ALOX5: variants seen among roughly 807,000 people sequenced by gnomAD.
ALOX5 encodes the protein polyunsaturated fatty acid 5-lipoxygenase.
Under a neutral mutation model 87.9 loss-of-function variants are expected in ALOX5, and 64 were observed. The ratio of observed to expected loss-of-function variants is 0.73; its 90% CI spans 0.60 to 0.90. ALOX5 has a LOEUF of 0.90. Among genes scored for constraint, ALOX5 ranks in the 40% least tolerant of loss-of-function variants. The probability of loss-of-function intolerance (pLI) is 0.00; values close to 1 mark genes in which losing one functional copy is unlikely to be tolerated. For missense variants in ALOX5, 822 were observed against 907.5 expected, an observed-to-expected ratio of 0.91 and a Z score of 1.21; for synonymous variants, 388 against 355.1, an observed-to-expected ratio of 1.09 and a Z score of -1.04.
intron 4 of ALOX5, among the ~76,000 whole-genome samples, chr10:45,421,151 ATAT>A (rs1841493073): frequency 6.6e-6 from 1 of 152,224 alleles, no homozygotes; most frequent in Non-Finnish European, 1.5e-5. Context: ...GAAGCCCTGA[ATAT>A]TCCAGTTATC....
intron 2 of ALOX5, among the ~76,000 whole-genome samples, chr10:45,388,657 CAGAA>C (rs1840086163): frequency 6.6e-6 from 1 of 152,228 alleles, no homozygotes; most frequent in Non-Finnish European, 1.5e-5. Context: ...AACTAACAAA[CAGAA>C]AGGACATCCA....
chr10:45,427,540 C>T (rs1427850753), intron 6 of ALOX5, among the ~76,000 whole-genome samples: 2 of 152,240 alleles, frequency 1.3e-5, no homozygotes, highest in Admixed American at 6.5e-5. Context: ...CTGCGTGCCG[C>T]CGGGCAGCCC....
In ALOX5 at chr10:45,436,452, G is replaced by A. The variant is rs144066203; in HGVS notation, c.982-3978G>A. On this transcript the variant is annotated intron_variant, in intron 7 of 13. Transcript: ENST00000374391. ...ATATGGTGAGAGGTAGGGGCCCAGC[G>A]TCATTCTTCTGCATATAGGTAGCCA... Among the ~76,000 whole-genome samples, 411 of 152,202 alleles carry A rather than the reference G, an allele frequency of 2.7e-3. 5 individuals carry two copies. The highest frequency in any genetic ancestry group is 9.2e-3 in the African/African-American group (383 of 41,526).
At chr10:45,390,323 G>A (rs550238648) in intron 2 of ALOX5, among the ~76,000 whole-genome samples, 1 of 152,172 alleles carries the variant, frequency 6.6e-6, no homozygotes, top group African/African-American at 2.4e-5. Flanking sequence ...ATTGAACTCA[G>A]CTCTCCAGCA....
rs41365544 is a variant in ALOX5, at chr10:45,445,963, C to A, written c.*276C>A. On this transcript the variant is annotated 3_prime_UTR_variant, in exon 14 of 14. Coordinates refer to ENST00000374391, the MANE Select transcript of ALOX5 (RefSeq NM_000698.5). Reference sequence around the variant, plus strand: ...AAGCAGCAACAGCAAATCACGACCACTGATAGATGTCTATTCTTGTTGGAG... The same window carrying A: ...AAGCAGCAACAGCAAATCACGACCAATGATAGATGTCTATTCTTGTTGGAG... 5,301 of 412,466 alleles carry A rather than the reference C, an allele frequency of 0.013. 199 individuals are homozygous for A. The highest frequency in any genetic ancestry group is 0.084 in the African/African-American group (4,194 of 49,926). 25.6% of individuals were successfully genotyped at this position (412,466 alleles called of 1,614,324 possible). A position where few individuals can be genotyped will look rare whatever the true frequency, so the allele number is the denominator to read the frequency against.
intron 3 of ALOX5, among the ~76,000 whole-genome samples, chr10:45,403,817 G>A (rs2132737901): frequency 6.6e-6 from 1 of 152,266 alleles, no homozygotes; most frequent in Admixed American, 6.5e-5. Flanking sequence ...CAGTGCACAC[G>A]TTGTGCTTGA....
At chr10:45,393,757 T>C (rs972831960) in intron 2 of ALOX5, among the ~76,000 whole-genome samples, 1 of 152,300 alleles carries the variant, frequency 6.6e-6, no homozygotes, top group Middle Eastern at 3.4e-3. Flanking sequence ...TTCAGCAAAG[T>C]CTCAGGATAC....
Position 45,435,266 on chromosome 10 carries a change from T to TG in ALOX5, c.982-5164_982-5163insG, listed in dbSNP as rs377648070. ...CTTTTTTTACTGGTCAGAACAGTTT[T>TG]TTTTTTTTTAATATATAAAATTTTA... On this transcript the variant is annotated intron_variant, in intron 7 of 13. Coordinates refer to ENST00000374391, the MANE Select transcript of ALOX5 (RefSeq NM_000698.5). 3.7e-3 allele frequency among the ~76,000 whole-genome samples: 564 copies of TG among 151,992 alleles called. 3 individuals are homozygous for TG. The highest frequency in any genetic ancestry group is 0.024 in the Middle Eastern group (7 of 294).
chr10:45,443,186 A>G lies in ALOX5; in HGVS notation c.1421A>G (p.Asp474Gly). 6.2e-7 allele frequency: 1 copy of G among 1,613,638 alleles called. No homozygotes were observed. Among genetic ancestry groups the G allele is most frequent in the Non-Finnish European group, 8.5e-7 (1 of 1,179,954 alleles). ...EDIPYYFYRD[D>G]GLLVWEAIRT... ...ATCCCCTACTACTTCTACCGGGACG[A>G]CGGGCTCCTGGTGTGGGAAGCCATC... The change falls in exon 10 of 14, where the codon GAC becomes GGC. Residue 474 changes from aspartate to glycine, a missense_variant. Asp to Gly is a moderately conservative substitution (Grantham distance 94, BLOSUM62 -1). Transcript: ENST00000374391.
At chr10:45,382,229 C>G (rs1360336795) in intron 1 of ALOX5, among the ~76,000 whole-genome samples, 3 of 152,202 alleles carry the variant, frequency 2.0e-5, no homozygotes, top group Non-Finnish European at 4.4e-5. Flanking sequence ...GCTTCAACTT[C>G]CCAACCTTGA....
intron 7 of ALOX5, among the ~76,000 whole-genome samples, chr10:45,433,809 C>A (rs1841983136): frequency 6.6e-6 from 1 of 152,142 alleles, no homozygotes; most frequent in Non-Finnish European, 1.5e-5. Context: ...TTCCCCCAGG[C>A]CCCCCAGGAA....
rs1841674294 is a variant in ALOX5, at chr10:45,425,473, C to T, written c.834+341C>T. Among the ~76,000 whole-genome samples the T allele has an allele frequency of 6.6e-6, 1 of 152,194 alleles. No homozygotes were observed. Among genetic ancestry groups the T allele is most frequent in the Admixed American group, 6.5e-5 (1 of 15,288 alleles). On this transcript the variant is annotated intron_variant, in intron 6 of 13. Coordinates refer to ENST00000374391, the MANE Select transcript of ALOX5 (RefSeq NM_000698.5). This position sits in a 1 kb window ranked among gnomAD's most constrained non-coding sequence, Gnocchi z 4.4. ...CAGGCATTGTGACAGGTGCTTTACA[C>T]ACAAGGTCATCAGTTGTCACCCACC...
At chr10:45,382,374 C>G (rs759142978) in intron 1 of ALOX5, 109 bp from the exon 2 acceptor site, 46 of 1,137,018 alleles carry the variant, frequency 4.0e-5, no homozygotes, top group Non-Finnish European at 5.0e-5. Context: ...TTTCATTCAA[C>G]GTAGTCCCTG....
At chr10:45,437,852 T>C (rs1193959877) in intron 7 of ALOX5, among the ~76,000 whole-genome samples, 2 of 152,256 alleles carry the variant, frequency 1.3e-5, no homozygotes, top group Non-Finnish European at 2.9e-5. Flanking sequence ...ATTGCTTCTC[T>C]CCATTATTCA....
chr10:45,431,284 T>C (rs954333036), intron 7 of ALOX5, among the ~76,000 whole-genome samples: 3 of 152,166 alleles, frequency 2.0e-5, no homozygotes, highest in Non-Finnish European at 4.4e-5. Context: ...ACTGTTTTTA[T>C]TCAACATTAT....
At chr10:45,374,850 A>G (rs907885110) in intron 1 of ALOX5, among the ~76,000 whole-genome samples, 1 of 151,982 alleles carries the variant, frequency 6.6e-6, no homozygotes, top group Non-Finnish European at 1.5e-5. Flanking sequence ...AGGGAGGGAG[A>G]GGCAGATGAG....
At chr10:45,395,778 G>A (rs28395862) in intron 2 of ALOX5, 77 bp from the exon 3 acceptor site, 4 of 1,341,866 alleles carry the variant, frequency 3.0e-6, no homozygotes, top group Middle Eastern at 1.8e-4. Context: ...GGGCATCTGA[G>A]GGAAGCCTGA....
intron 2 of ALOX5, among the ~76,000 whole-genome samples, chr10:45,394,039 T>C (rs1008857832): frequency 1.3e-5 from 2 of 152,190 alleles, no homozygotes; most frequent in African/African-American, 4.8e-5. Context: ...CCAAGGTAAT[T>C]TATAGATTCA....
intron 4 of ALOX5, among the ~76,000 whole-genome samples, chr10:45,412,874 C>A (rs1841121316): frequency 6.6e-6 from 1 of 152,160 alleles, no homozygotes; most frequent in African/African-American, 2.4e-5. Flanking sequence ...TTTGTTTCAT[C>A]CGAATGTCCG....
Sources: allele counts gnomAD v4.1 joint callset (sites outside exome capture counted in the v4.1 genomes callset), GRCh38; gene constraint gnomAD v4.1.1; non-coding constraint Gnocchi (gnomAD v3.1); transcripts MANE v1.5; gene names NCBI Gene and HGNC (gene_info 2026-07-23, HGNC 2026-07-21).